The following STAU1 variants were observed in gnomAD, a reference collection of about 807,000 sequenced individuals.
STAU1 encodes double-stranded RNA-binding protein Staufen homolog 1.
Under a neutral mutation model 62.9 loss-of-function variants are expected in STAU1, and 13 were observed. The ratio of observed to expected loss-of-function variants is 0.21; its 90% confidence interval spans 0.13 to 0.33. STAU1 has a LOEUF of 0.33. STAU1 is among the 10% of genes least tolerant of loss of function. The pLI is 1.00. For missense variants in STAU1, 571 were observed against 712.1 expected, an observed-to-expected ratio of 0.80 and a Z score of 2.25; for synonymous variants, 269 against 265.1, an observed-to-expected ratio of 1.01 and a Z score of -0.14.
rs754737097 is a variant in STAU1 at position 49,124,404 on chromosome 20, T to C, written c.793A>G (p.Ile265Val). 5 of 1,614,112 alleles carry C rather than the reference T, an allele frequency of 3.1e-6. No homozygotes were observed. Among genetic ancestry groups the C allele is most frequent in the Non-Finnish European group, 4.2e-6 (5 of 1,180,044 alleles). ...ACTATGGGTTTTGTTTTCTTTTTGA[T>C]TCTAGGCTTTACTCGTTCAACTGCA... ...LPAVERVKPR[I>V]KKKTKPIVKP... Residue 265 changes from isoleucine to valine, a missense_variant, in exon 7 of 14, where the codon ATC (isoleucine) becomes GTC (valine). Physicochemically the swap from Ile to Val is conservative, Grantham distance 29. Coordinates refer to ENST00000371856, the MANE Select transcript of STAU1 (RefSeq NM_017453.4).
chr20:49,193,907 T>G, the STAU1 span, among the ~76,000 whole-genome samples: 3 of 151,822 alleles, frequency 2.0e-5, no homozygotes, highest in East Asian at 5.8e-4. Context: ...AGGCGGAGCT[T>G]GCAGTGAGCA....
intron 6 of STAU1, among the ~76,000 whole-genome samples, chr20:49,135,237 T>C (rs555547849): frequency 6.6e-6 from 1 of 152,298 alleles, no homozygotes; most frequent in African/African-American, 2.4e-5. Flanking sequence ...TTAATAAAAA[T>C]AAGTAACAAA....
At chr20:49,193,050 CA>C (rs1178206579), upstream of STAU1, among the ~76,000 whole-genome samples, 1 of 152,166 alleles carries the variant, frequency 6.6e-6, no homozygotes, top group Non-Finnish European at 1.5e-5. Context: ...CAGATAGACA[CA>C]AACACATGTA....
At chr20:49,158,206 C>T (rs1157182942) in intron 3 of STAU1, among the ~76,000 whole-genome samples, 3 of 151,974 alleles carry the variant, frequency 2.0e-5, no homozygotes, top group East Asian at 3.9e-4. Context: ...CACTTGAACC[C>T]GGGAGGTTGC....
At position 49,144,476 on chromosome 20, in the gene STAU1, G is replaced by A. The variant is rs374107836; in HGVS notation, c.510+7106C>T. On this transcript the variant is annotated intron_variant, in intron 5 of 13. Transcript: ENST00000371856. ...CTATGCTAGCATCTGAAGACTCACA[G>A]TCTGCGATTTTGCTTAGACAATCTC... is the stretch of plus-strand genomic sequence containing the variant. 1.1e-4 allele frequency among the ~76,000 whole-genome samples: 17 copies of A among 152,326 alleles called. No homozygotes were observed. The South Asian group carries it at 3.5e-3, about 32-fold the overall frequency.
intron 6 of STAU1, among the ~76,000 whole-genome samples, chr20:49,126,594 A>AAAAACAAAACAAAAAAAAAAAAC (rs2092628419): frequency 7.2e-6 from 1 of 139,344 alleles, no homozygotes; most frequent in African/African-American, 2.5e-5. Context: ...AAAACAAAAA[A>AAAAACAAAACAAAAAAAAAAAAC]AAAACAAAAA....
At chr20:49,184,556 C>A (rs1322697515) in intron 1 of STAU1, among the ~76,000 whole-genome samples, 1 of 152,130 alleles carries the variant, frequency 6.6e-6, no homozygotes, top group East Asian at 1.9e-4. Flanking sequence ...TCAACATTAT[C>A]TTGAAACAAC....
intron 3 of STAU1, among the ~76,000 whole-genome samples, chr20:49,160,883 CA>C (rs2093437163): frequency 6.6e-6 from 1 of 152,224 alleles, no homozygotes; most frequent in Non-Finnish European, 1.5e-5. Flanking sequence ...GGTCCTTGTG[CA>C]AACAAGCAGG....
intron 6 of STAU1, among the ~76,000 whole-genome samples, chr20:49,131,166 C>A (rs142784413): frequency 6.6e-6 from 1 of 152,230 alleles, no homozygotes; most frequent in Non-Finnish European, 1.5e-5. Context: ...AAATAACTGA[C>A]CTTTAAACAT....
At chr20:49,179,494 G>C (rs2093698850) in intron 1 of STAU1, among the ~76,000 whole-genome samples, 1 of 152,158 alleles carries the variant, frequency 6.6e-6, no homozygotes, top group Non-Finnish European at 1.5e-5. Context: ...AAGGGTCATG[G>C]AGCTTTCATG....
At chr20:49,203,831 C>T in the STAU1 span, among the ~76,000 whole-genome samples, 2 of 152,272 alleles carry the variant, frequency 1.3e-5, no homozygotes, top group East Asian at 3.9e-4. Flanking sequence ...GGATTACAGG[C>T]GTGCGCCACC....
chr20:49,195,371 A>G, the STAU1 span, among the ~76,000 whole-genome samples: 1 of 151,602 alleles, frequency 6.6e-6, no homozygotes, highest in Non-Finnish European at 1.5e-5. Context: ...CCCCGTCTCC[A>G]CTAAAAATAC....
At chr20:49,138,389 T>C (rs959572448) in intron 5 of STAU1, among the ~76,000 whole-genome samples, 2 of 152,190 alleles carry the variant, frequency 1.3e-5, no homozygotes, top group Non-Finnish European at 2.9e-5. Flanking sequence ...CAGATGCTCT[T>C]TGTAATTCCT....
At chr20:49,212,855 C>T in the STAU1 span, among the ~76,000 whole-genome samples, 1,715 of 152,074 alleles carry the variant, frequency 0.011, 37 homozygotes, top group African/African-American at 0.039. Context: ...ACCTTGGCCT[C>T]CCAAAGTGCT....
chr20:49,115,695 C>T (rs1015902872), intron 13 of STAU1, 87 bp downstream of exon 13: 20 of 1,165,420 alleles, frequency 1.7e-5, no homozygotes, highest in African/African-American at 1.5e-4. Context: ...AATATTTCCC[C>T]GCTGAGTCAG....
chr20:49,184,733 G>A (rs2093767396), intron 1 of STAU1, among the ~76,000 whole-genome samples: 1 of 152,122 alleles, frequency 6.6e-6, no homozygotes, highest in African/African-American at 2.4e-5. Flanking sequence ...AAAATGTGTT[G>A]TGTCCTTTCC....
Position 49,178,738 on chromosome 20 carries a change from G to A in STAU1, c.-159-4469C>T, listed in dbSNP as rs530713660. ...TGCACTCCAGCCTGAGTAACAGAGC[G>A]AGACTCTGCTTCAAAAATAAAATAA... On this transcript the variant is annotated intron_variant, in intron 1 of 13. Coordinates refer to ENST00000371856, the MANE Select transcript of STAU1 (RefSeq NM_017453.4). Among the ~76,000 whole-genome samples, 19 of 146,536 alleles carry A rather than the reference G, an allele frequency of 1.3e-4. 1 individual carries two copies. The highest frequency in any genetic ancestry group is 2.1e-4 in the East Asian group (1 of 4,776).
chr20:49,217,653 T>C, the STAU1 span, among the ~76,000 whole-genome samples: 1 of 144,016 alleles, frequency 6.9e-6, no homozygotes, highest in Admixed American at 7.4e-5. Context: ...CCAAAGCCCA[T>C]CCTGTTTTTT....
chr20:49,160,284 C>CA (rs1268638522), intron 3 of STAU1, among the ~76,000 whole-genome samples: 9 of 152,224 alleles, frequency 5.9e-5, no homozygotes, highest in African/African-American at 2.2e-4. Flanking sequence ...CCTTATGTTA[C>CA]TTTCAGTCAA....
Sources: gnomAD v4.1 joint callset for allele counts (sites outside exome capture counted in the v4.1 genomes callset) on GRCh38, gnomAD v4.1.1 for gene constraint, MANE v1.5 for transcripts, NCBI Gene and HGNC (gene_info 2026-07-23, HGNC 2026-07-21) for gene names.